The following ARHGEF10 variants were observed in gnomAD, a reference collection of about 807,000 sequenced individuals.
The protein encoded by ARHGEF10 is Rho guanine nucleotide exchange factor 10.
A neutral mutation model predicts 147.4 loss-of-function variants in ARHGEF10; 140 were observed. That is an observed-to-expected ratio of 0.95 (90% CI 0.83 to 1.09). The LOEUF is 1.09. ARHGEF10 is among the 50% of genes least tolerant of loss of function. ARHGEF10 has a pLI of 0.00. For missense variants in ARHGEF10, 2,222 were observed against 1,752.7 expected (o/e 1.27, Z -4.78); for synonymous variants, 902 against 695.8 (o/e 1.30, Z -4.67).
chr8:1,952,896 G>C, intron 28 of ARHGEF10, 69 bp downstream of exon 28: 1 of 1,604,736 alleles, frequency 6.2e-7, no homozygotes. Context: ...GCAGTGTGTA[G>C]TGTGATTTAA....
At chr8:1,894,726 A>G (rs1563248687) in intron 13 of ARHGEF10, among the ~76,000 whole-genome samples, 154 bp downstream of exon 13, 1 of 152,216 alleles carries the variant, frequency 6.6e-6, no homozygotes, top group Non-Finnish European at 1.5e-5. Flanking sequence ...TGCCCTGGCC[A>G]AGCGTGTGCG....
chr8:1,868,837 A>G (rs1270220887), intron 6 of ARHGEF10, among the ~76,000 whole-genome samples: 1 of 152,206 alleles, frequency 6.6e-6, no homozygotes, highest in African/African-American at 2.4e-5. Context: ...AGAGCCATAT[A>G]GAAGTGTGTA....
intron 2 of ARHGEF10, among the ~76,000 whole-genome samples, chr8:1,846,763 G>A (rs1338633576): frequency 6.6e-6 from 1 of 152,094 alleles, no homozygotes; most frequent in Non-Finnish European, 1.5e-5. Context: ...TTTTAGTAGA[G>A]ACAGGGTTTC....
At chr8:1,934,253 C>T (rs970883816) in intron 26 of ARHGEF10, among the ~76,000 whole-genome samples, 1 of 149,974 alleles carries the variant, frequency 6.7e-6, no homozygotes, top group Non-Finnish European at 1.5e-5. Context: ...ACTCGGGAGG[C>T]TGAGGCAGGA....
At chr8:1,935,762 T>C (rs1476333498) in intron 26 of ARHGEF10, among the ~76,000 whole-genome samples, 3 of 152,208 alleles carry the variant, frequency 2.0e-5, no homozygotes, top group Non-Finnish European at 4.4e-5. Context: ...CCTAAATGCA[T>C]GTGCATGGGA....
chr8:1,916,986 G>T (rs1341009092), intron 18 of ARHGEF10, among the ~76,000 whole-genome samples: 1 of 152,182 alleles, frequency 6.6e-6, no homozygotes, highest in East Asian at 1.9e-4. Flanking sequence ...CATTTTCTCA[G>T]TCTTTAAAAA....
chr8:1,850,000 TGCTGAGGAGGGCGTGGGCC>T (rs1423642717), intron 2 of ARHGEF10, among the ~76,000 whole-genome samples: 1 of 74,638 alleles, frequency 1.3e-5, no homozygotes, highest in African/African-American at 4.3e-5. Flanking sequence ...AGAGGGCAAA[TGCTGAGGAGGGCGTGGGCC>T]GGCTGCATGG....
intron 26 of ARHGEF10, among the ~76,000 whole-genome samples, chr8:1,935,268 G>C (rs1813489002): frequency 6.6e-6 from 1 of 152,068 alleles, no homozygotes; most frequent in Non-Finnish European, 1.5e-5. Context: ...TACAGTCAGT[G>C]AGCCTGCATG....
intron 2 of ARHGEF10, 128 bp downstream of exon 2, chr8:1,843,564 G>C: frequency 2.6e-6 from 2 of 766,144 alleles, no homozygotes; most frequent in Admixed American, 4.0e-5. Flanking sequence ...CTTCTTGGGA[G>C]AAAGAGAAGG....
rs771464893 is a variant in ARHGEF10 at position 1,933,889 on chromosome 8, G to A, written c.3169G>A (p.Ala1057Thr). The change falls in exon 26 of 29, where the codon GCG becomes ACG. Residue 1057 changes from alanine (A) to threonine (T), a missense_variant. Ala to Thr is a moderately conservative substitution (Grantham distance 58). Transcript: ENST00000349830. ...SLLMMEDTLW[A>T]ASGGQVFIIS... Reference sequence around the variant, plus strand: ...ACTCATGATGGAAGACACGTTGTGGGCGGCTTCCGGAGGTCAAGTCTTCAT... The same window carrying A: ...ACTCATGATGGAAGACACGTTGTGGACGGCTTCCGGAGGTCAAGTCTTCAT... 1 of 1,614,084 alleles carries A rather than the reference G, an allele frequency of 6.2e-7. No homozygotes were observed. Among genetic ancestry groups the A allele is most frequent in the Non-Finnish European group, 8.5e-7 (1 of 1,180,034 alleles).
rs1488037974 is a variant in ARHGEF10, at chr8:1,948,842, C to T, written c.3397+3187C>T. 2.0e-5 allele frequency among the ~76,000 whole-genome samples: 3 copies of T among 152,090 alleles called. No homozygotes were observed. The highest frequency in any genetic ancestry group is 4.8e-5 in the African/African-American group (2 of 41,406). ...CATTCCGGTGGGGGCATGCTCATAC[C>T]GTGCTGAAGTGCGCGGATGCTGAGG... On this transcript the variant is annotated intron_variant, in intron 27 of 28. Coordinates refer to ENST00000349830, the MANE Select transcript of ARHGEF10 (RefSeq NM_014629.4). The surrounding 1 kb of genome is among the most constrained non-coding windows in gnomAD (Gnocchi z 4.9).
intron 11 of ARHGEF10, among the ~76,000 whole-genome samples, chr8:1,890,522 C>T (rs74912583): frequency 0.013 from 1,635 of 130,090 alleles, 31 homozygotes; most frequent in African/African-American, 0.046. Context: ...TGGGGCGAGA[C>T]GGGTCTCTGA....
At chr8:1,882,547 C>T (rs1585379635) in intron 9 of ARHGEF10, 88 bp from the exon 10 acceptor site, 1 of 1,095,862 alleles carries the variant, frequency 9.1e-7, no homozygotes, top group East Asian at 2.6e-5. Context: ...AACCAGACTA[C>T]TTGACAGTAT....
At chr8:1,868,096 G>A (rs1273667450) in intron 6 of ARHGEF10, among the ~76,000 whole-genome samples, 1 of 152,280 alleles carries the variant, frequency 6.6e-6, no homozygotes, top group East Asian at 1.9e-4. Context: ...CTCTAAACTA[G>A]CAGTCTCTGA....
At chr8:1,843,815 C>T (rs898862421) in intron 2 of ARHGEF10, among the ~76,000 whole-genome samples, 5 of 152,316 alleles carry the variant, frequency 3.3e-5, no homozygotes, top group Admixed American at 1.3e-4. Flanking sequence ...TCGCCCATGG[C>T]GGGTGCTCGC....
At chr8:1,837,147 T>G (rs1803632472) in intron 1 of ARHGEF10, among the ~76,000 whole-genome samples, 1 of 152,272 alleles carries the variant, frequency 6.6e-6, no homozygotes. Flanking sequence ...GTTTACAGTC[T>G]GCCTGAGACT....
chr8:1,956,772 G>T lies in ARHGEF10; in HGVS notation c.3544G>T (p.Ala1182Ser), dbSNP rs1815601158. Reference protein sequence around the residue: ...VTGRGMVSYHAHNSPVKFIVL... With the variant: ...VTGRGMVSYHSHNSPVKFIVL... ...AGGAAGAGGCATGGTCTCCTACCAT[G>T]CACACAACAGTCCTGTCAAATTCAT... Residue 1182 changes from alanine (A) to serine (S), a missense_variant, in exon 29 of 29, where the codon GCA becomes TCA. By Grantham distance (99) the Ala-to-Ser change is moderately conservative. Coordinates refer to ENST00000349830, the MANE Select transcript of ARHGEF10 (RefSeq NM_014629.4). 6.2e-7 allele frequency: 1 copy of T among 1,613,872 alleles called. No individual in the cohort carries two copies. Among genetic ancestry groups the T allele is most frequent in the Non-Finnish European group, 8.5e-7 (1 of 1,180,038 alleles).
In ARHGEF10 at chr8:1,957,510, G is replaced by T; in HGVS notation, c.*247G>T. 1 of 605,346 alleles carries T rather than the reference G, an allele frequency of 1.7e-6. No individual in the cohort carries two copies. Among genetic ancestry groups the T allele is most frequent in the East Asian group, 2.8e-5 (1 of 35,110 alleles). 37.5% of individuals were successfully genotyped at this position (605,346 alleles called of 1,614,324 possible). On this transcript the variant is annotated 3_prime_UTR_variant, in exon 29 of 29. Coordinates refer to ENST00000349830, the MANE Select transcript of ARHGEF10 (RefSeq NM_014629.4). ...AGACTGATGCAATTTTCGAGTAATT[G>T]AGTGCAGTTCTGGGAAAATACCACA...
At chr8:1,932,637 A>T (rs546654440) in intron 25 of ARHGEF10, among the ~76,000 whole-genome samples, 1 of 152,336 alleles carries the variant, frequency 6.6e-6, no homozygotes, top group African/African-American at 2.4e-5. Context: ...TGGGGCTAAT[A>T]ATTACCCTAC....
Sources: allele counts gnomAD v4.1 joint callset (sites outside exome capture counted in the v4.1 genomes callset), GRCh38; gene constraint gnomAD v4.1.1; non-coding constraint Gnocchi (gnomAD v3.1); transcripts MANE v1.5; gene names NCBI Gene and HGNC (gene_info 2026-07-23, HGNC 2026-07-21).